The following STRIP2 variants were observed in gnomAD, a reference collection of about 807,000 sequenced individuals.
STRIP2 encodes striatin interacting protein 2, also known as striatin-interacting protein 2.
A neutral mutation model predicts 107.1 loss-of-function variants in STRIP2; 84 were observed. That is an observed-to-expected ratio of 0.78 (90% CI 0.66 to 0.94). The LOEUF (loss-of-function observed/expected upper bound fraction) is 0.94, where lower values mean the gene tolerates loss of function less well. Ranked by LOEUF, STRIP2 falls within the 40% of genes least tolerant of loss-of-function variation. The pLI, the probability that STRIP2 is intolerant of heterozygous loss-of-function variation, is 0.00. For synonymous variants in STRIP2, 394 were observed against 400.4 expected (o/e 0.98, Z 0.19); for missense variants, 888 against 1,034.2 (o/e 0.86, Z 1.94).
rs767112108 is a variant in STRIP2, at chr7:129,480,877, T to G, written c.2037T>G (p.His679Gln). 1.2e-6 allele frequency: 2 copies of G among 1,612,068 alleles called. No homozygotes were observed. The highest frequency in any genetic ancestry group is 1.7e-6 in the Non-Finnish European group (2 of 1,179,408). ...TCAATAAACTGACCAAATGGAAACATTCCCGGACCATGGTGAGTGTGGTTT... is the reference window on the plus strand; with the variant it reads ...TCAATAAACTGACCAAATGGAAACAGTCCCGGACCATGGTGAGTGTGGTTT... The part of the protein sequence containing the change: ...RLLNKLTKWK[H>Q]SRTMMLVVFK... The change falls in exon 19 of 21, where the codon CAT becomes CAG. Residue 679 changes from histidine to glutamine, a missense_variant. Coordinates refer to ENST00000249344, the MANE Select transcript of STRIP2 (RefSeq NM_020704.3).
chr7:129,453,037 A>G (rs1798238502), intron 4 of STRIP2, among the ~76,000 whole-genome samples, 190 bp from the exon 5 acceptor site: 1 of 152,030 alleles, frequency 6.6e-6, no homozygotes, highest in South Asian at 2.1e-4. Context: ...AGCACATTGG[A>G]CCTAACCCTG....
Position 129,451,708 on chromosome 7 carries a change from C to T in STRIP2, c.370C>T (p.Arg124Trp), listed in dbSNP as rs201214419. 47 of 1,613,974 alleles carry T rather than the reference C, an allele frequency of 2.9e-5. No homozygotes were observed. The highest frequency in any genetic ancestry group is 8.3e-5 in the Admixed American group (5 of 60,008). The change falls in exon 4 of 21, where the codon CGG becomes TGG. Residue 124 changes from arginine to tryptophan, a missense_variant. Transcript: ENST00000249344. ...GCTAGAGGTGGTCAGTAGGGAACGGCGGCTGAAGGTGGCCCGGGCTGTTCT... is the reference window on the plus strand; with the variant it reads ...GCTAGAGGTGGTCAGTAGGGAACGGTGGCTGAAGGTGGCCCGGGCTGTTCT... ...DRLEVVSRER[R>W]LKVARAVLYL...
At position 129,485,870 on chromosome 7, in the gene STRIP2, T is replaced by C; in HGVS notation, c.*41T>C. 6.2e-7 allele frequency: 1 copy of C among 1,608,176 alleles called. No homozygotes were observed. Among genetic ancestry groups the C allele is most frequent in the African/African-American group, 1.3e-5 (1 of 74,952 alleles). On this transcript the variant is annotated 3_prime_UTR_variant, in exon 21 of 21. Transcript: ENST00000249344. ...CAAGCATCAATAGATAGAGGTCAGCTCCAATAAACTGTGCTCTGCCTACCC... is the reference window on the plus strand; with the variant it reads ...CAAGCATCAATAGATAGAGGTCAGCCCCAATAAACTGTGCTCTGCCTACCC...
chr7:129,459,868 C>T (rs1193947164), intron 12 of STRIP2, among the ~76,000 whole-genome samples: 1 of 152,090 alleles, frequency 6.6e-6, no homozygotes, highest in Non-Finnish European at 1.5e-5. Context: ...TTTCACTTCT[C>T]TCTGTCCATA....
In STRIP2 at chr7:129,483,181, C is replaced by T. The variant is rs912323898; in HGVS notation, c.2254+135C>T. ...AAAAAATATGTGATTATAGGTCAGG[C>T]GCTGATACACCAAACTTTAAGGTTA... On this transcript the variant is annotated intron_variant, in intron 20 of 20. Coordinates refer to ENST00000249344, the MANE Select transcript of STRIP2 (RefSeq NM_020704.3). The surrounding 1 kb of genome is among the most constrained non-coding windows in gnomAD (Gnocchi z 5.1). 24 of 1,448,128 alleles carry T rather than the reference C, an allele frequency of 1.7e-5. No homozygotes were observed. The highest frequency in any genetic ancestry group is 1.0e-4 in the African/African-American group (7 of 69,858). 89.7% of individuals were successfully genotyped at this position (1,448,128 alleles called of 1,614,324 possible).
Position 129,458,530 on chromosome 7 carries a change from C to T in STRIP2, c.1274+80C>T, listed in dbSNP as rs1798433361. 1 of 1,331,576 alleles carries T rather than the reference C, an allele frequency of 7.5e-7. No homozygotes were observed. The highest frequency in any genetic ancestry group is 1.5e-5 in the African/African-American group (1 of 67,918). The allele number at this position is 1,331,576 out of a possible 1,614,324, so 82.5% of individuals were successfully genotyped here. ...CCCAAGATGGGGTAGTCTATGTATTCAAGGCTCGTTAAGTTGGTCTGGCAG... is the reference window on the plus strand; with the variant it reads ...CCCAAGATGGGGTAGTCTATGTATTTAAGGCTCGTTAAGTTGGTCTGGCAG... On this transcript the variant is annotated intron_variant, in intron 10 of 20. Coordinates refer to ENST00000249344, the MANE Select transcript of STRIP2 (RefSeq NM_020704.3). This position sits in a 1 kb window ranked among gnomAD's most constrained non-coding sequence, Gnocchi z 4.6.
At chr7:129,475,550 T>TTC (rs1798896276) in intron 18 of STRIP2, among the ~76,000 whole-genome samples, 1 of 138,336 alleles carries the variant, frequency 7.2e-6, no homozygotes, top group Non-Finnish European at 1.5e-5. Context: ...ACTCTTTTTT[T>TTC]TTCTTTTTTT....
At chr7:129,451,589 A>G in intron 3 of STRIP2, 24 bp from the exon 4 acceptor site, 1 of 1,613,440 alleles carries the variant, frequency 6.2e-7, no homozygotes, top group Non-Finnish European at 8.5e-7. Flanking sequence ...CTGACACTGG[A>G]TGTATATGGC....
In STRIP2 at chr7:129,480,906, A is replaced by G; in HGVS notation, c.2049+17A>G. ...CGGACCATGGTGAGTGTGGTTTTTTACATCATGGAGTTGTCCATCTGACTG... is the reference window on the plus strand; with the variant it reads ...CGGACCATGGTGAGTGTGGTTTTTTGCATCATGGAGTTGTCCATCTGACTG... On this transcript the variant is annotated intron_variant, in intron 19 of 20. Transcript: ENST00000249344. 1 of 1,592,338 alleles carries G rather than the reference A, an allele frequency of 6.3e-7. No individual in the cohort carries two copies. The highest frequency in any genetic ancestry group is 8.6e-7 in the Non-Finnish European group (1 of 1,165,828).
Position 129,467,424 on chromosome 7 carries a change from C to A in STRIP2, c.1851C>A (p.Ile617=), listed in dbSNP as rs770876660. The stretch of plus-strand genomic sequence containing the variant: ...TCCTGAAGTTCTTCAATCAAAATAT[C>A]TTGTCATACATCACTGCCAAAAACA... ...PLILKFFNQN[I]LSYITAKNSI... Residue 617 remains isoleucine (I), a synonymous_variant, in exon 17 of 21, where the codon ATC becomes ATA. Coordinates refer to ENST00000249344, the MANE Select transcript of STRIP2 (RefSeq NM_020704.3). The A allele has an allele frequency of 1.4e-5, 23 of 1,613,412 alleles. No individual in the cohort carries two copies. Among genetic ancestry groups the A allele is most frequent in the Non-Finnish European group, 1.9e-5 (22 of 1,179,790 alleles).
In STRIP2 at chr7:129,458,182, C is replaced by T; in HGVS notation, c.1039-33C>T. On this transcript the variant is annotated intron_variant, in intron 9 of 20. Transcript: ENST00000249344. The surrounding 1 kb of genome is among the most constrained non-coding windows in gnomAD (Gnocchi z 4.6). Reference sequence around the variant, plus strand: ...GACAAGGATGCCCAGAGTGAGATCTCTGCATGCCTACCCTCCCTTCTTTCC... The same window carrying T: ...GACAAGGATGCCCAGAGTGAGATCTTTGCATGCCTACCCTCCCTTCTTTCC... 6.4e-7 allele frequency: 1 copy of T among 1,570,382 alleles called. No individual in the cohort carries two copies. Among genetic ancestry groups the T allele is most frequent in the Non-Finnish European group, 8.8e-7 (1 of 1,141,940 alleles).
chr7:129,481,501 T>TAAG (rs1799115495), intron 19 of STRIP2, among the ~76,000 whole-genome samples: 1 of 151,176 alleles, frequency 6.6e-6, no homozygotes, highest in East Asian at 1.9e-4. Flanking sequence ...CGTCTCAAAA[T>TAAG]AATAATAATA....
chr7:129,444,184 C>A, intron 3 of STRIP2, 86 bp downstream of exon 3: 1 of 936,754 alleles, frequency 1.1e-6, no homozygotes, highest in Non-Finnish European at 1.7e-6. Flanking sequence ...AAACAAAGTG[C>A]GATCCTTCAT....
intron 1 of STRIP2, 71 bp from the exon 2 acceptor site, chr7:129,439,951 G>T: frequency 8.4e-7 from 1 of 1,187,838 alleles, no homozygotes. Context: ...AGATAAATAA[G>T]GGTACAGTCT....
chr7:129,476,422 G>C lies in STRIP2; in HGVS notation c.1945-4363G>C, dbSNP rs1479886471. On this transcript the variant is annotated intron_variant, in intron 18 of 20. Transcript: ENST00000249344. ...GGAGGGGCTCCTCACTTCTCAGACGGGGCGGCTGCCGGGCGGAGGGGCTCC... is the reference window on the plus strand; with the variant it reads ...GGAGGGGCTCCTCACTTCTCAGACGCGGCGGCTGCCGGGCGGAGGGGCTCC... Among the ~76,000 whole-genome samples, 30 of 147,806 alleles carry C rather than the reference G, an allele frequency of 2.0e-4. No homozygotes were observed. The South Asian group carries it at 5.9e-3, about 29-fold the overall frequency.
At chr7:129,482,816 T>C in intron 19 of STRIP2, 26 bp from the exon 20 acceptor site, 4 of 1,611,140 alleles carry the variant, frequency 2.5e-6, no homozygotes, top group Non-Finnish European at 2.5e-6. Flanking sequence ...GTTAGATCTT[T>C]ACCCCACCCC....
At position 129,479,002 on chromosome 7, in the gene STRIP2, C is replaced by T. The variant is rs552833636; in HGVS notation, c.1945-1783C>T. On this transcript the variant is annotated intron_variant, in intron 18 of 20. Transcript: ENST00000249344. ...AAAAATTTAAAAGTCTGTTCGGGCG[C>T]GGTGGCTCATGCCTATAATCCCAGC... 3.9e-5 allele frequency among the ~76,000 whole-genome samples: 6 copies of T among 152,204 alleles called. No individual in the cohort carries two copies. In the East Asian group the frequency reaches 5.8e-4, roughly 15 times the overall value.
chr7:129,458,305 T>G lies in STRIP2; in HGVS notation c.1129T>G (p.Ser377Ala). The G allele has an allele frequency of 6.2e-7, 1 of 1,613,378 alleles. No homozygotes were observed. The highest frequency in any genetic ancestry group is 8.5e-7 in the Non-Finnish European group (1 of 1,179,854). Residue 377 changes from serine (S) to alanine (A), a missense_variant, in exon 10 of 21, where the codon TCT (serine) becomes GCT (alanine). By Grantham distance (99) the Ser-to-Ala change is moderately conservative (BLOSUM62 1). Coordinates refer to ENST00000249344, the MANE Select transcript of STRIP2 (RefSeq NM_020704.3). This position sits in a 1 kb window ranked among gnomAD's most constrained non-coding sequence, Gnocchi z 4.6. The stretch of plus-strand genomic sequence containing the variant: ...GCCCGCCACAGAGGAGGAAGAGGAG[T>G]CTGCTGGTGATGGAGAACGAACCTT... ...EEPATEEEEE[S>A]AGDGERTLDG...
chr7:129,470,603 C>T, intron 17 of STRIP2, 46 bp from the exon 18 acceptor site: 1 of 1,488,568 alleles, frequency 6.7e-7, no homozygotes, highest in East Asian at 2.3e-5. Flanking sequence ...CCAATTCCTG[C>T]TGTTGCCATT....
Sources: allele counts gnomAD v4.1 joint callset (sites outside exome capture counted in the v4.1 genomes callset), GRCh38; gene constraint gnomAD v4.1.1; non-coding constraint Gnocchi (gnomAD v3.1); transcripts MANE v1.5; gene names NCBI Gene and HGNC (gene_info 2026-07-23, HGNC 2026-07-21).